Variants in KAZN observed in about 807,000 individuals in gnomAD.
The protein encoded by KAZN is kazrin.
Under a neutral mutation model 87.4 loss-of-function variants are expected in KAZN, and 40 were observed. The ratio of observed to expected loss-of-function variants is 0.46; its 90% CI spans 0.36 to 0.60. The LOEUF (loss-of-function observed/expected upper bound fraction) is 0.60, where lower values mean the gene tolerates loss of function less well. KAZN is among the 20% of genes least tolerant of loss of function. KAZN has a pLI of 0.00. For missense variants in KAZN, 898 were observed against 1,073.9 expected, an observed-to-expected ratio of 0.84 and a Z score of 2.29; for synonymous variants, 466 against 458.3, an observed-to-expected ratio of 1.02 and a Z score of -0.22.
intron 2 of KAZN, among the ~76,000 whole-genome samples, chr1:14,416,577 A>C (rs938894193): frequency 3.9e-5 from 6 of 152,058 alleles, no homozygotes; most frequent in Admixed American, 1.3e-4. Flanking sequence ...TCTCTAATAA[A>C]ACTACAAAAA....
intron 1 of KAZN, among the ~76,000 whole-genome samples, chr1:14,694,574 C>G (rs931184506): frequency 2.6e-5 from 4 of 152,184 alleles, no homozygotes; most frequent in Non-Finnish European, 5.9e-5. Context: ...ATCTTCTGCT[C>G]TTATCAAATG....
intron 8 of KAZN, among the ~76,000 whole-genome samples, chr1:15,073,964 A>AG (rs1402759600): frequency 1.3e-5 from 2 of 152,162 alleles, no homozygotes; most frequent in Non-Finnish European, 2.9e-5. Context: ...TGGGCTCCTG[A>AG]GGAGGCCCAG....
intron 1 of KAZN, among the ~76,000 whole-genome samples, chr1:13,915,657 T>C (rs768227935): frequency 6.6e-6 from 1 of 152,154 alleles, no homozygotes; most frequent in Non-Finnish European, 1.5e-5. Flanking sequence ...TCCTATCTGG[T>C]GACCATTCCA....
intron 2 of KAZN, among the ~76,000 whole-genome samples, chr1:14,306,836 C>A (rs549716470): frequency 7.9e-5 from 12 of 152,296 alleles, no homozygotes; most frequent in African/African-American, 2.6e-4. Flanking sequence ...ACAGAGACGC[C>A]TTCACAATCA....
At chr1:14,765,421 G>A (rs1259192461) in intron 1 of KAZN, among the ~76,000 whole-genome samples, 1 of 152,234 alleles carries the variant, frequency 6.6e-6, no homozygotes, top group African/African-American at 2.4e-5. Flanking sequence ...TCTGGGGAAG[G>A]TATAGCCCAG....
intron 1 of KAZN, among the ~76,000 whole-genome samples, chr1:14,929,628 G>A (rs1461811167): frequency 6.6e-6 from 1 of 152,286 alleles, no homozygotes; most frequent in East Asian, 1.9e-4. Flanking sequence ...CATTAAACCC[G>A]GCCGAAGCCA....
intron 1 of KAZN, among the ~76,000 whole-genome samples, chr1:14,904,911 G>T (rs555654515): frequency 7.2e-5 from 11 of 152,144 alleles, no homozygotes; most frequent in Non-Finnish European, 1.2e-4. Context: ...ACAGGCGCTG[G>T]CCACCACACC....
intron 1 of KAZN, among the ~76,000 whole-genome samples, chr1:14,154,638 A>G (rs1156341829): frequency 6.6e-6 from 1 of 152,232 alleles, no homozygotes; most frequent in Non-Finnish European, 1.5e-5. Context: ...AGTCTGTTGT[A>G]CATGGCTTTA....
chr1:14,913,197 A>G (rs1657433735), intron 1 of KAZN, among the ~76,000 whole-genome samples: 1 of 152,104 alleles, frequency 6.6e-6, no homozygotes, highest in Non-Finnish European at 1.5e-5. Context: ...GGGAGTTGGG[A>G]TTAGGCTCAC....
chr1:14,542,828 G>T (rs1229458974), intron 2 of KAZN, among the ~76,000 whole-genome samples: 1 of 152,222 alleles, frequency 6.6e-6, no homozygotes, highest in Non-Finnish European at 1.5e-5. Context: ...GAACAGCAAA[G>T]TGACATGTTG....
chr1:14,200,312 G>C (rs1646612739), intron 2 of KAZN, among the ~76,000 whole-genome samples: 1 of 152,060 alleles, frequency 6.6e-6, no homozygotes, highest in Non-Finnish European at 1.5e-5. Flanking sequence ...AAAGTACACA[G>C]AAATATTAAC....
chr1:14,300,265 TTTA>T (rs1222507150), intron 2 of KAZN, among the ~76,000 whole-genome samples: 2 of 54,038 alleles, frequency 3.7e-5, no homozygotes, highest in East Asian at 3.1e-4. Flanking sequence ...GAAGAATTTA[TTTA>T]TTTTTTTTTA....
intron 2 of KAZN, among the ~76,000 whole-genome samples, chr1:14,297,018 T>C (rs1172844544): frequency 6.6e-6 from 1 of 152,190 alleles, no homozygotes; most frequent in Non-Finnish European, 1.5e-5. Flanking sequence ...GTGTGACATG[T>C]CATGATGCTT....
rs376989909 is a variant in KAZN at position 14,599,692 on chromosome 1, C to A, written c.226+469C>A. Among the ~76,000 whole-genome samples, 1 of 152,222 alleles carries A rather than the reference C, an allele frequency of 6.6e-6. No individual in the cohort carries two copies. Among genetic ancestry groups the A allele is most frequent in the Admixed American group, 6.5e-5 (1 of 15,284 alleles). ...GATTGCACTGCTGTGCACTTTTCTC[C>A]GCGGATGCCAAATCCCTTGGCTCAG... On this transcript the variant is annotated intron_variant, in intron 1 of 14. Coordinates refer to ENST00000376030, the MANE Select transcript of KAZN (RefSeq NM_201628.3). This position sits in a 1 kb window ranked among gnomAD's most constrained non-coding sequence, Gnocchi z 4.4.
chr1:14,573,168 C>A (rs1350253968), intron 2 of KAZN, among the ~76,000 whole-genome samples: 1 of 152,270 alleles, frequency 6.6e-6, no homozygotes. Flanking sequence ...TCCTAAACTA[C>A]ACAGTGCTTC....
chr1:14,268,934 G>A (rs999651926), intron 2 of KAZN, among the ~76,000 whole-genome samples: 2 of 152,194 alleles, frequency 1.3e-5, no homozygotes, highest in Non-Finnish European at 1.5e-5. Flanking sequence ...CACGCTTGCG[G>A]TCATTAATGT....
At chr1:14,630,069 T>C (rs980341143) in intron 1 of KAZN, among the ~76,000 whole-genome samples, 6 of 152,158 alleles carry the variant, frequency 3.9e-5, no homozygotes, top group Non-Finnish European at 8.8e-5. Context: ...AGAAACATCA[T>C]TGGCCCTCAG....
intron 1 of KAZN, among the ~76,000 whole-genome samples, chr1:13,925,747 G>T (rs766589476): frequency 6.6e-6 from 1 of 152,176 alleles, no homozygotes; most frequent in Non-Finnish European, 1.5e-5. Flanking sequence ...TCTGGCCAGC[G>T]GTTGAAAATG....
chr1:14,500,656 A>G (rs1376883127), intron 2 of KAZN, among the ~76,000 whole-genome samples: 1 of 152,142 alleles, frequency 6.6e-6, no homozygotes, highest in Non-Finnish European at 1.5e-5. Flanking sequence ...CGAAGAAACC[A>G]AAAGTGGGTT....
Sources: allele counts gnomAD v4.1 joint callset (sites outside exome capture counted in the v4.1 genomes callset), GRCh38; gene constraint gnomAD v4.1.1; non-coding constraint Gnocchi (gnomAD v3.1); transcripts MANE v1.5; gene names NCBI Gene and HGNC (gene_info 2026-07-23, HGNC 2026-07-21).